The following GRID2 variants were observed in gnomAD, a reference collection of about 807,000 sequenced individuals.
GRID2 encodes glutamate ionotropic receptor delta type subunit 2, also known as glutamate receptor ionotropic, delta-2.
Under a neutral mutation model 114.8 loss-of-function variants are expected in GRID2, and 33 were observed. The ratio of observed to expected loss-of-function variants is 0.29; its 90% CI spans 0.22 to 0.38. The LOEUF (loss-of-function observed/expected upper bound fraction) is 0.38, where lower values mean the gene tolerates loss of function less well. Among genes scored for constraint, GRID2 ranks in the 10% least tolerant of loss-of-function variants. GRID2 has a pLI of 1.00. For synonymous variants in GRID2, 505 were observed against 449.9 expected (o/e 1.12, Z -1.55); for missense variants, 1,184 against 1,257.7 (o/e 0.94, Z 0.89).
intron 13 of GRID2, among the ~76,000 whole-genome samples, chr4:93,526,013 T>A (rs1181359520): frequency 6.6e-6 from 1 of 152,210 alleles, no homozygotes; most frequent in Non-Finnish European, 1.5e-5. Flanking sequence ...TTTTTAAAAA[T>A]TTTCTGTTGG....
chr4:93,594,972 G>A (rs1738915271), intron 13 of GRID2, among the ~76,000 whole-genome samples: 1 of 152,196 alleles, frequency 6.6e-6, no homozygotes, highest in Admixed American at 6.5e-5. Flanking sequence ...CTAGTGAGAT[G>A]AACCCGGTAC....
chr4:92,332,519 A>G (rs1322835383), intron 1 of GRID2, among the ~76,000 whole-genome samples: 3 of 152,148 alleles, frequency 2.0e-5, no homozygotes, highest in Non-Finnish European at 2.9e-5. Flanking sequence ...TCTCAAATTG[A>G]AAAATATATT....
chr4:93,759,308 G>A (rs1431882749), intron 14 of GRID2, among the ~76,000 whole-genome samples: 4 of 152,102 alleles, frequency 2.6e-5, no homozygotes, highest in African/African-American at 9.7e-5. Context: ...CTAACCTAGA[G>A]AGATCAATTT....
intron 4 of GRID2, among the ~76,000 whole-genome samples, chr4:93,138,239 T>C (rs1238070998): frequency 6.6e-6 from 1 of 152,082 alleles, no homozygotes; most frequent in Non-Finnish European, 1.5e-5. Context: ...CCTCCCAAAG[T>C]ATTGGGATTA....
intron 14 of GRID2, among the ~76,000 whole-genome samples, chr4:93,763,828 T>C (rs1446594500): frequency 6.6e-6 from 1 of 152,160 alleles, no homozygotes; most frequent in Non-Finnish European, 1.5e-5. Context: ...TCTAATTTCC[T>C]AGTAGAAATG....
intron 2 of GRID2, among the ~76,000 whole-genome samples, chr4:92,794,141 A>C (rs1308936208): frequency 1.3e-5 from 2 of 151,818 alleles, no homozygotes; most frequent in Non-Finnish European, 2.9e-5. Flanking sequence ...TTTTTGAGTC[A>C]GAGTTCTTAC....
intron 2 of GRID2, among the ~76,000 whole-genome samples, chr4:92,861,881 T>C (rs943058578): frequency 2.0e-5 from 3 of 152,056 alleles, no homozygotes; most frequent in African/African-American, 7.2e-5. Flanking sequence ...TCATCATTCT[T>C]TTTATTTACT....
intron 1 of GRID2, among the ~76,000 whole-genome samples, chr4:93,779,875 G>A (rs978867618): frequency 6.6e-6 from 1 of 152,210 alleles, no homozygotes; most frequent in African/African-American, 2.4e-5. Context: ...AAGGCAAAGT[G>A]TGAGTGAGAT....
At chr4:92,942,629 T>G (rs993603688) in intron 2 of GRID2, among the ~76,000 whole-genome samples, 5 of 152,226 alleles carry the variant, frequency 3.3e-5, no homozygotes, top group African/African-American at 1.2e-4. Context: ...TAGCTGGTTA[T>G]TTTGCTCATT....
intron 8 of GRID2, among the ~76,000 whole-genome samples, chr4:93,278,055 G>A (rs1400811147): frequency 2.6e-5 from 4 of 151,894 alleles, no homozygotes; most frequent in African/African-American, 9.7e-5. Flanking sequence ...AAGAAAATGA[G>A]CAGATAAATT....
intron 3 of GRID2, among the ~76,000 whole-genome samples, chr4:93,092,364 T>A (rs1730864867): frequency 6.6e-6 from 1 of 152,030 alleles, no homozygotes; most frequent in Non-Finnish European, 1.5e-5. Flanking sequence ...AAAAAGTATC[T>A]ACAACACTTT....
intron 2 of GRID2, among the ~76,000 whole-genome samples, chr4:93,066,779 G>C (rs1328196153): frequency 6.6e-6 from 1 of 151,712 alleles, no homozygotes. Context: ...TTTGTCTTTG[G>C]CATATTCAAA....
At chr4:92,800,616 T>C (rs1740105802) in intron 2 of GRID2, among the ~76,000 whole-genome samples, 1 of 152,000 alleles carries the variant, frequency 6.6e-6, no homozygotes, top group Non-Finnish European at 1.5e-5. Flanking sequence ...TGGCATCATA[T>C]TCACTTTTGA....
intron 13 of GRID2, 125 bp from the exon 14 acceptor site, chr4:93,626,144 T>C: frequency 1.7e-6 from 1 of 583,056 alleles, no homozygotes; most frequent in Admixed American, 3.3e-5. Flanking sequence ...TGAAGGATGA[T>C]TATATGTTCT....
chr4:93,492,422 T>G (rs1727102700), intron 12 of GRID2, among the ~76,000 whole-genome samples: 1 of 151,840 alleles, frequency 6.6e-6, no homozygotes, highest in Non-Finnish European at 1.5e-5. Flanking sequence ...TGAGCCTACA[T>G]TCTAACTGCA....
intron 1 of GRID2, among the ~76,000 whole-genome samples, chr4:92,457,787 A>G (rs1303269065): frequency 1.3e-5 from 2 of 152,134 alleles, no homozygotes; most frequent in Non-Finnish European, 2.9e-5. Context: ...GAACAAAGAG[A>G]AAGTGTCTTC....
rs1725928118 is a variant in GRID2 at position 93,044,410 on chromosome 4, G to A, written c.245-40585G>A. On this transcript the variant is annotated intron_variant, in intron 2 of 15. Transcript: ENST00000282020. ...AAACACTTAGCTAAAGGACACTATT[G>A]TCCATTACGTTTGCAAAAGAGATAT... Among the ~76,000 whole-genome samples, 5 of 151,522 alleles carry A rather than the reference G, an allele frequency of 3.3e-5. No homozygotes were observed. The South Asian group carries it at 1.0e-3, about 32-fold the overall frequency.
intron 4 of GRID2, among the ~76,000 whole-genome samples, chr4:93,141,879 T>C (rs1309178578): frequency 1.3e-5 from 2 of 152,214 alleles, no homozygotes; most frequent in Non-Finnish European, 2.9e-5. Context: ...TGTTTGACTT[T>C]CCTACACATA....
intron 4 of GRID2, among the ~76,000 whole-genome samples, chr4:93,174,113 CA>C (rs1254888058): frequency 6.6e-6 from 1 of 152,112 alleles, no homozygotes; most frequent in African/African-American, 2.4e-5. Context: ...ATTCAGATTT[CA>C]CAAGTCTTAC....
Sources: gnomAD v4.1 joint callset for allele counts (sites outside exome capture counted in the v4.1 genomes callset) on GRCh38, gnomAD v4.1.1 for gene constraint, MANE v1.5 for transcripts, NCBI Gene and HGNC (gene_info 2026-07-23, HGNC 2026-07-21) for gene names.